HPD: variants seen among roughly 807,000 people sequenced by gnomAD.
The protein encoded by HPD is 4-hydroxyphenylpyruvate dioxygenase, also known as 4-hydroxyphenylpyruvic acid oxidase.
In HPD, 35 loss-of-function variants were observed where a neutral mutation model predicts 56.9. The ratio of observed to expected loss-of-function variants is 0.62; its 90% confidence interval spans 0.47 to 0.82. The LOEUF (loss-of-function observed/expected upper bound fraction) is 0.82. Ranked by LOEUF, HPD falls within the 40% of genes least tolerant of loss-of-function variation. The pLI is 0.00. For synonymous variants in HPD, 186 were observed against 200.2 expected (o/e 0.93, Z 0.60); for missense variants, 442 against 506.8 (o/e 0.87, Z 1.23).
chr12:121,855,972 C>CAAAAAAA (rs57671436), intron 6 of HPD, among the ~76,000 whole-genome samples: 1 of 65,316 alleles, frequency 1.5e-5, no homozygotes. Flanking sequence ...CTCCGTCTCA[C>CAAAAAAA]AAAAAAAAAA....
intron 7 of HPD, 45 bp downstream of exon 7, chr12:121,854,658 G>C: frequency 7.4e-7 from 1 of 1,343,888 alleles, no homozygotes; most frequent in Non-Finnish European, 1.1e-6. Context: ...TGGCATCTCA[G>C]TGGTGCCGAC....
chr12:121,856,289 C>A lies in HPD; in HGVS notation c.324+35G>T. The A allele has an allele frequency of 2.6e-6, 4 of 1,560,300 alleles. No individual in the cohort carries two copies. In the East Asian group the frequency reaches 6.7e-5, roughly 26 times the overall value. On this transcript the variant is annotated intron_variant, in intron 6 of 13. Transcript: ENST00000289004. ...ATGGGGTCCCCATGGCAGACGGAGG[C>A]CTTCCTCTCTCAGTCCACCCAGGTG...
At chr12:121,855,972 C>CA (rs57671436) in intron 6 of HPD, among the ~76,000 whole-genome samples, 5,253 of 65,448 alleles carry the variant, frequency 0.08, 677 homozygotes, top group African/African-American at 0.27. Flanking sequence ...CTCCGTCTCA[C>CA]AAAAAAAAAA....
rs1339199829 is a variant in HPD at position 121,846,872 on chromosome 12, A to G, written c.821T>C (p.Ile274Thr). 1 of 1,613,940 alleles carries G rather than the reference A, an allele frequency of 6.2e-7. No homozygotes were observed. The highest frequency in any genetic ancestry group is 1.3e-5 in the African/African-American group (1 of 74,920). The change falls in exon 11 of 14, where the codon ATC (isoleucine) becomes ACC (threonine). Residue 274 changes from isoleucine (I) to threonine (T), a missense_variant. By Grantham distance (89) the Ile-to-Thr change is moderately conservative (BLOSUM62 -1). Transcript: ENST00000289004. ...VQHIALKTED[I>T]ITAIRHLRER... ...GAAGGGGGTTCTAACCGCTGTGATG[A>G]TGTCTTCGGTCTTGAGAGCGATGTG...
intron 7 of HPD, among the ~76,000 whole-genome samples, chr12:121,850,278 C>T (rs532702837): frequency 5.9e-4 from 89 of 151,734 alleles, no homozygotes; most frequent in Middle Eastern, 3.4e-3. Context: ...AAAAATTAGC[C>T]GGGTGTGGTG....
chr12:121,849,605 C>T (rs192370828), intron 8 of HPD, 82 bp downstream of exon 8: 82 of 930,822 alleles, frequency 8.8e-5, no homozygotes, highest in African/African-American at 7.9e-4. Flanking sequence ...AACACACATG[C>T]GCAGTGGACA....
At chr12:121,843,401 C>T (rs1378006547) in intron 12 of HPD, among the ~76,000 whole-genome samples, 1 of 152,248 alleles carries the variant, frequency 6.6e-6, no homozygotes, top group Non-Finnish European at 1.5e-5. Context: ...GTTCACATGG[C>T]CAGCTCCCGC....
chr12:121,879,505 T>TCTTC, the HPD span, among the ~76,000 whole-genome samples: 13 of 10,786 alleles, frequency 1.2e-3, no homozygotes, highest in African/African-American at 3.4e-3. Context: ...CTCTTCTCTT[T>TCTTC]TTTCTTTTCT....
At chr12:121,844,255 G>A (rs563259430) in intron 11 of HPD, among the ~76,000 whole-genome samples, 17 of 152,114 alleles carry the variant, frequency 1.1e-4, no homozygotes, top group African/African-American at 4.1e-4. Flanking sequence ...ATGTTAGCCA[G>A]GTTGGTCTCG....
upstream of HPD, among the ~76,000 whole-genome samples, chr12:121,862,548 C>A (rs978134226): frequency 9.4e-5 from 14 of 148,164 alleles, no homozygotes; most frequent in Non-Finnish European, 3.0e-5. Context: ...CTGCCCACCT[C>A]GGCCTCCCAA....
rs774901499 is a variant in HPD at position 121,847,188 on chromosome 12, C to T, written c.623G>A (p.Arg208His). Residue 208 changes from arginine to histidine, a missense_variant, in exon 10 of 14, where the codon CGC becomes CAC. Physicochemically the swap from Arg to His is conservative, Grantham distance 29. Transcript: ENST00000289004. ...CTGCGTGTCATCCACGGACCAGAAG[C>T]GGTGGAACTGCAGGTTTTTCAGGTA... ...EWYLKNLQFH[R>H]FWSVDDTQVH... 2.5e-6 allele frequency: 4 copies of T among 1,614,156 alleles called. No homozygotes were observed. The highest frequency in any genetic ancestry group is 1.7e-5 in the Admixed American group (1 of 60,022).
chr12:121,845,647 G>A (rs1052082215), intron 11 of HPD, among the ~76,000 whole-genome samples: 2 of 149,622 alleles, frequency 1.3e-5, no homozygotes, highest in African/African-American at 2.5e-5. Flanking sequence ...TGTTGCCCAC[G>A]TTGGTCTTGA....
the HPD span, among the ~76,000 whole-genome samples, chr12:121,875,398 C>CT: frequency 1.4e-5 from 2 of 146,122 alleles, no homozygotes; most frequent in African/African-American, 2.5e-5. Flanking sequence ...AATTTCTTTT[C>CT]TTTTTTTTCT....
At chr12:121,865,430 C>T (rs148940415), upstream of HPD, among the ~76,000 whole-genome samples, 3,153 of 150,960 alleles carry the variant, frequency 0.021, 109 homozygotes, top group African/African-American at 0.072. Context: ...CCACCACACC[C>T]GGCTATTTTT....
intron 7 of HPD, among the ~76,000 whole-genome samples, chr12:121,853,101 C>T (rs896366891): frequency 6.6e-6 from 1 of 152,066 alleles, no homozygotes; most frequent in African/African-American, 2.4e-5. Flanking sequence ...TGCATGTTCT[C>T]ACTTAGAAGT....
rs1484927951 is a variant in HPD at position 121,849,737 on chromosome 12, G to C, written c.468C>G (p.Phe156Leu). Residue 156 changes from phenylalanine to leucine, a missense_variant, in exon 8 of 14, where the codon TTC (phenylalanine) becomes TTG (leucine). By Grantham distance (22) the Phe-to-Leu change is conservative (BLOSUM62 0). Coordinates refer to ENST00000289004, the MANE Select transcript of HPD (RefSeq NM_002150.3). ...LVEKMNYIGQ[F>L]LPGYEAPAFM... ...ACGCTGGGGCCTCATATCCAGGCAAGAATTGGCCGATGTAGTTCATCTTCT... is the reference window on the plus strand; with the variant it reads ...ACGCTGGGGCCTCATATCCAGGCAACAATTGGCCGATGTAGTTCATCTTCT... 1.2e-6 allele frequency: 2 copies of C among 1,613,914 alleles called. No individual in the cohort carries two copies. The highest frequency in any genetic ancestry group is 1.7e-6 in the Non-Finnish European group (2 of 1,179,974).
chr12:121,843,610 T>C, intron 12 of HPD, 100 bp downstream of exon 12: 2 of 1,382,464 alleles, frequency 1.4e-6, no homozygotes, highest in Non-Finnish European at 2.0e-6. Flanking sequence ...AGCAGGGACT[T>C]GGTCTGGGCT....
At chr12:121,845,730 C>A (rs1165217564) in intron 11 of HPD, among the ~76,000 whole-genome samples, 1 of 152,108 alleles carries the variant, frequency 6.6e-6, no homozygotes. Context: ...ATGTGCAATG[C>A]CATTCACCCT....
At chr12:121,877,313 T>G in the HPD span, among the ~76,000 whole-genome samples, 4 of 152,190 alleles carry the variant, frequency 2.6e-5, no homozygotes, top group African/African-American at 9.6e-5. Flanking sequence ...CAAATCCTAG[T>G]TTTTCATCCT....
Sources: allele counts gnomAD v4.1 joint callset (sites outside exome capture counted in the v4.1 genomes callset), GRCh38; gene constraint gnomAD v4.1.1; transcripts MANE v1.5; gene names NCBI Gene and HGNC (gene_info 2026-07-23, HGNC 2026-07-21).